AQR: variants seen among roughly 807,000 people sequenced by gnomAD.
AQR encodes RNA helicase aquarius.
In AQR, 61 loss-of-function variants were observed where a neutral mutation model predicts 180.5. The observed-to-expected ratio is 0.34, with a 90% CI of 0.28 to 0.42. The LOEUF (loss-of-function observed/expected upper bound fraction) is 0.42, where lower values mean the gene tolerates loss of function less well. Ranked by LOEUF, AQR falls within the 10% of genes least tolerant of loss-of-function variation. The probability of loss-of-function intolerance (pLI) is 1.00; values close to 1 mark genes in which losing one functional copy is unlikely to be tolerated. For missense variants in AQR, 1,281 were observed against 1,798.3 expected, an observed-to-expected ratio of 0.71 and a Z score of 5.20; for synonymous variants, 551 against 588.8, an observed-to-expected ratio of 0.94 and a Z score of 0.93.
intron 9 of AQR, among the ~76,000 whole-genome samples, chr15:34,937,262 T>A (rs1893958125): frequency 1.1e-5 from 1 of 92,438 alleles, no homozygotes; most frequent in African/African-American, 2.6e-5. Flanking sequence ...CCTGACCTCG[T>A]GATCCACCCA....
At chr15:34,929,627 C>T (rs554338226) in intron 12 of AQR, among the ~76,000 whole-genome samples, 1 of 152,264 alleles carries the variant, frequency 6.6e-6, no homozygotes, top group Non-Finnish European at 1.5e-5. Context: ...TAGCATGATG[C>T]CTCCAGCTTT....
In AQR at chr15:34,886,583, C is replaced by G; in HGVS notation, c.2760G>C (p.Gly920=). ...EEVKRLQKSL[G]VPGDASYTCE... The stretch of plus-strand genomic sequence containing the variant: ...AGGTATATGAGGCATCTCCTGGAAC[C>G]CCTAGACTCTTTTGCAATCGTTTGA... Residue 920 remains glycine (G), a synonymous_variant, in exon 25 of 35, where the codon GGG becomes GGC. Transcript: ENST00000156471. 1.2e-6 allele frequency: 2 copies of G among 1,613,896 alleles called. No individual in the cohort carries two copies. Among genetic ancestry groups the G allele is most frequent in the Non-Finnish European group, 1.7e-6 (2 of 1,179,950 alleles).
chr15:34,938,042 CCTT>C (rs1244874161), intron 9 of AQR, among the ~76,000 whole-genome samples: 1 of 151,920 alleles, frequency 6.6e-6, no homozygotes, highest in African/African-American at 2.4e-5. Flanking sequence ...TAATATTTCT[CCTT>C]TTTTCCTCCA....
intron 5 of AQR, among the ~76,000 whole-genome samples, chr15:34,946,564 G>C (rs1249160280): frequency 1.8e-4 from 26 of 142,932 alleles, no homozygotes; most frequent in Non-Finnish European, 2.8e-4. Context: ...CAGCCGCCCC[G>C]TCCGGGAGGG....
chr15:34,965,435 C>A (rs1426647025), intron 1 of AQR, among the ~76,000 whole-genome samples: 1 of 152,162 alleles, frequency 6.6e-6, no homozygotes, highest in Non-Finnish European at 1.5e-5. Context: ...CTTTGGGAGG[C>A]CGAGGCAGGC....
chr15:34,870,613 A>C, intron 31 of AQR, 139 bp downstream of exon 31: 5 of 657,220 alleles, frequency 7.6e-6, no homozygotes, highest in Non-Finnish European at 1.2e-5. Flanking sequence ...AGACTGTCAG[A>C]GAGTTATTTA....
chr15:34,883,852 T>G (rs1217263475), intron 26 of AQR, among the ~76,000 whole-genome samples: 1 of 152,192 alleles, frequency 6.6e-6, no homozygotes, highest in Non-Finnish European at 1.5e-5. Flanking sequence ...TCTGTTCCCA[T>G]TGTGTAGCTA....
intron 7 of AQR, among the ~76,000 whole-genome samples, chr15:34,941,362 G>A (rs549240114): frequency 6.6e-6 from 1 of 152,222 alleles, no homozygotes; most frequent in South Asian, 2.1e-4. Context: ...GCGATCACAA[G>A]TAAATAAGGA....
intron 9 of AQR, among the ~76,000 whole-genome samples, chr15:34,937,204 AT>A (rs1458872481): frequency 6.6e-6 from 1 of 151,822 alleles, no homozygotes; most frequent in African/African-American, 2.4e-5. Flanking sequence ...CGCCTGGCTA[AT>A]TTTTTGTCTT....
chr15:34,891,151 T>A (rs1046810786), intron 23 of AQR, among the ~76,000 whole-genome samples: 4 of 152,100 alleles, frequency 2.6e-5, no homozygotes, highest in Admixed American at 6.6e-5. Flanking sequence ...CAATCTGAGC[T>A]CTGAAACTGA....
intron 16 of AQR, among the ~76,000 whole-genome samples, chr15:34,910,793 T>C (rs1019958639): frequency 2.0e-5 from 3 of 152,226 alleles, no homozygotes; most frequent in African/African-American, 4.8e-5. Context: ...TTAGCATTTT[T>C]TGTGTGTGTG....
At chr15:34,948,855 C>T (rs1010047938) in intron 4 of AQR, among the ~76,000 whole-genome samples, 1 of 151,646 alleles carries the variant, frequency 6.6e-6, no homozygotes, top group Non-Finnish European at 1.5e-5. Context: ...TAGGTCACTG[C>T]TACCAGCTAC....
intron 29 of AQR, chr15:34,874,283 T>C (rs1191538365): frequency 3.1e-6 from 1 of 322,434 alleles, no homozygotes; most frequent in Non-Finnish European, 5.5e-6. Flanking sequence ...GACTAAAAAT[T>C]GAGGACATTT....
At chr15:34,906,811 A>G in intron 17 of AQR, 99 bp from the exon 18 acceptor site, 2 of 1,185,192 alleles carry the variant, frequency 1.7e-6, no homozygotes, top group Non-Finnish European at 1.2e-6. Flanking sequence ...TATCTTTGGT[A>G]GAGAGATACC....
rs375799195 is a variant in AQR, at chr15:34,948,810, A to C, written c.210-426T>G. On this transcript the variant is annotated intron_variant, in intron 4 of 34. Transcript: ENST00000156471. ...AGACTCCATCTCAAAAAAAAAAAAAAAAACTTGGAATCCTCCACAAATTTA... is the reference window on the plus strand; with the variant it reads ...AGACTCCATCTCAAAAAAAAAAAAACAAACTTGGAATCCTCCACAAATTTA... 7.2e-5 allele frequency among the ~76,000 whole-genome samples: 11 copies of C among 152,054 alleles called. 1 individual carries two copies. Among genetic ancestry groups the C allele is most frequent in the East Asian group, 1.9e-4 (1 of 5,172 alleles).
At chr15:34,873,459 G>A (rs1427471435) in intron 30 of AQR, among the ~76,000 whole-genome samples, 3 of 151,832 alleles carry the variant, frequency 2.0e-5, no homozygotes, top group Non-Finnish European at 4.4e-5. Flanking sequence ...CAATTTATGA[G>A]TTCTATAAAT....
intron 27 of AQR, among the ~76,000 whole-genome samples, chr15:34,879,127 T>C (rs1892930644): frequency 6.6e-6 from 1 of 152,114 alleles, no homozygotes; most frequent in Non-Finnish European, 1.5e-5. Context: ...CACCACTATC[T>C]CTGGAAACCC....
At chr15:34,934,454 T>C (rs2140493580) in intron 10 of AQR, 117 bp downstream of exon 10, 1 of 437,962 alleles carries the variant, frequency 2.3e-6, no homozygotes, top group Admixed American at 4.4e-5. Flanking sequence ...ATATAATAAA[T>C]ATATACATAT....
At position 34,857,120 on chromosome 15, in the gene AQR, A is replaced by G. The variant is rs1270469608; in HGVS notation, c.4144-14T>C. On this transcript the variant is annotated splice_polypyrimidine_tract_variant and intron_variant, in intron 34 of 34. Coordinates refer to ENST00000156471, the MANE Select transcript of AQR (RefSeq NM_014691.3). ...TTGTAATAAAGTCTAATTAAAAAAAAAAAAACAAAGACAATACCAATATGA... is the reference window on the plus strand; with the variant it reads ...TTGTAATAAAGTCTAATTAAAAAAAGAAAAACAAAGACAATACCAATATGA... 2.0e-5 allele frequency: 31 copies of G among 1,537,718 alleles called. No individual in the cohort carries two copies. The highest frequency in any genetic ancestry group is 2.7e-5 in the Non-Finnish European group (31 of 1,148,948).
Sources: allele counts gnomAD v4.1 joint callset (sites outside exome capture counted in the v4.1 genomes callset), GRCh38; gene constraint gnomAD v4.1.1; transcripts MANE v1.5; gene names NCBI Gene and HGNC (gene_info 2026-07-23, HGNC 2026-07-21).